Variants in ERO1A observed in about 807,000 individuals in gnomAD.
ERO1A encodes endoplasmic reticulum oxidoreductase 1 alpha, also known as ERO1-like protein alpha.
A neutral mutation model predicts 76.9 loss-of-function variants in ERO1A; 49 were observed. That is an observed-to-expected ratio of 0.64 (90% CI 0.51 to 0.81). The LOEUF (loss-of-function observed/expected upper bound fraction) is 0.81. Among genes scored for constraint, ERO1A ranks in the 30% least tolerant of loss-of-function variants. ERO1A has a pLI of 0.00. For synonymous variants in ERO1A, 174 were observed against 181.2 expected, an observed-to-expected ratio of 0.96 and a Z score of 0.32; for missense variants, 448 against 542.1, an observed-to-expected ratio of 0.83 and a Z score of 1.72.
chr14:52,668,746 T>C (rs2040498543), intron 6 of ERO1A, among the ~76,000 whole-genome samples: 2 of 148,492 alleles, frequency 1.3e-5, no homozygotes, highest in East Asian at 1.9e-4. Flanking sequence ...AATATTACTA[T>C]ATTATTATAT....
intron 12 of ERO1A, 47 bp downstream of exon 12, chr14:52,653,022 T>G: frequency 7.7e-7 from 1 of 1,305,932 alleles, no homozygotes; most frequent in Non-Finnish European, 1.1e-6. Context: ...TCTTGTACAT[T>G]AATTGTCACT....
rs1203903528 is a variant in ERO1A at position 52,641,640 on chromosome 14, G to A, written c.*1930C>T. The A allele has an allele frequency of 6.6e-6, 1 of 151,356 alleles. No homozygotes were observed. The highest frequency in any genetic ancestry group is 1.5e-5 in the Non-Finnish European group (1 of 67,892). The allele number at this position is 151,356 out of a possible 1,614,324, so 9.4% of individuals were successfully genotyped here. A position where few individuals can be genotyped will look rare whatever the true frequency, so the allele number is the denominator to read the frequency against. On this transcript the variant is annotated 3_prime_UTR_variant, in exon 16 of 16. Coordinates refer to ENST00000395686, the MANE Select transcript of ERO1A (RefSeq NM_014584.3). ...AAAAAATAAAAATAAAAAAAGGAAG[G>A]GAAGCATAAGATGAGAGAGAGGGAC...
chr14:52,681,376 C>A (rs183778274), intron 3 of ERO1A, among the ~76,000 whole-genome samples: 1 of 151,770 alleles, frequency 6.6e-6, no homozygotes, highest in South Asian at 2.1e-4. Context: ...GGCAGATCAC[C>A]TGAGGTTACC....
At chr14:52,683,678 G>C (rs1275118704) in intron 2 of ERO1A, 110 bp downstream of exon 2, 2 of 500,396 alleles carry the variant, frequency 4.0e-6, no homozygotes, top group East Asian at 3.3e-5. Context: ...TCTTAATAAA[G>C]CCTATATCAA....
intron 6 of ERO1A, among the ~76,000 whole-genome samples, chr14:52,670,777 C>A (rs1341849219): frequency 3.3e-5 from 5 of 152,172 alleles, no homozygotes; most frequent in Non-Finnish European, 7.3e-5. Flanking sequence ...ATATAAACCA[C>A]AAGCTACATA....
chr14:52,646,634 C>A, intron 13 of ERO1A, 173 bp from the exon 14 acceptor site: 2 of 502,736 alleles, frequency 4.0e-6, no homozygotes. Flanking sequence ...TACACAATCT[C>A]ATTTAATCTT....
At position 52,671,857 on chromosome 14, in the gene ERO1A, G is replaced by T; in HGVS notation, c.372C>A (p.Ala124=). The change falls in exon 5 of 16, where the codon GCC becomes GCA. Residue 124 remains alanine (A), a synonymous_variant. Coordinates refer to ENST00000395686, the MANE Select transcript of ERO1A (RefSeq NM_014584.3). The stretch of plus-strand genomic sequence containing the variant: ...GTTCACATTCTTCAATGAGATTATT[G>T]GCTTCTTCAGAATACTAAAATGAAA... The part of the protein sequence containing the change: ...KSASYKYSEE[A]NNLIEECEQA... 1 of 1,598,178 alleles carries T rather than the reference G, an allele frequency of 6.3e-7. No homozygotes were observed. The highest frequency in any genetic ancestry group is 8.5e-7 in the Non-Finnish European group (1 of 1,170,628).
chr14:52,687,988 C>T (rs1343933346), intron 1 of ERO1A, among the ~76,000 whole-genome samples: 1 of 152,046 alleles, frequency 6.6e-6, no homozygotes, highest in Non-Finnish European at 1.5e-5. Context: ...GAATTTGACA[C>T]CAACCTGGGC....
intron 11 of ERO1A, among the ~76,000 whole-genome samples, chr14:52,654,672 G>C (rs779612047): frequency 2.0e-5 from 3 of 152,292 alleles, no homozygotes; most frequent in Middle Eastern, 3.4e-3. Flanking sequence ...AAATAAGATT[G>C]ATTCTTCATG....
chr14:52,683,320 G>A (rs765843894), intron 2 of ERO1A, among the ~76,000 whole-genome samples: 1 of 152,072 alleles, frequency 6.6e-6, no homozygotes, highest in African/African-American at 2.4e-5. Context: ...AACAGGTAGA[G>A]GATAGACAAT....
rs1453679193 is a variant in ERO1A at position 52,641,194 on chromosome 14, G to C, written c.*2376C>G. 1 of 152,052 alleles carries C rather than the reference G, an allele frequency of 6.6e-6. No individual in the cohort carries two copies. The highest frequency in any genetic ancestry group is 6.6e-5 in the Admixed American group (1 of 15,252). 9.4% of individuals were successfully genotyped at this position (152,052 alleles called of 1,614,324 possible). On this transcript the variant is annotated 3_prime_UTR_variant, in exon 16 of 16. Transcript: ENST00000395686. ...CTGTGGATTTAGAATTAAGATTTTA[G>C]ACTTTACAGGAAGGGACTGTTAACC...
intron 6 of ERO1A, among the ~76,000 whole-genome samples, chr14:52,669,596 T>C (rs769763805): frequency 3.3e-5 from 5 of 152,184 alleles, no homozygotes; most frequent in Non-Finnish European, 5.9e-5. Flanking sequence ...ATGCAACATA[T>C]ATCGCATATT....
chr14:52,646,099 A>G, intron 15 of ERO1A, 55 bp downstream of exon 15: 2 of 1,548,418 alleles, frequency 1.3e-6, no homozygotes, highest in Non-Finnish European at 1.7e-6. Flanking sequence ...GAGAGCATAT[A>G]TGTTGCATTA....
intron 13 of ERO1A, among the ~76,000 whole-genome samples, chr14:52,647,719 G>A (rs1366263420): frequency 6.6e-6 from 1 of 152,110 alleles, no homozygotes; most frequent in Admixed American, 6.5e-5. Context: ...TTCCTTCAAT[G>A]GAAATTACCA....
chr14:52,647,495 T>C (rs1460771934), intron 13 of ERO1A, among the ~76,000 whole-genome samples: 1 of 152,124 alleles, frequency 6.6e-6, no homozygotes. Flanking sequence ...CCTCATGTTA[T>C]CTCTCGAGTC....
At chr14:52,693,419 T>C (rs532567315) in intron 1 of ERO1A, among the ~76,000 whole-genome samples, 1 of 152,364 alleles carries the variant, frequency 6.6e-6, no homozygotes, top group African/African-American at 2.4e-5. Context: ...GAACTCAGAC[T>C]GGCTCTCCTT....
chr14:52,646,499 A>G lies in ERO1A; in HGVS notation c.1126-38T>C, dbSNP rs772225040. 8.1e-6 allele frequency: 12 copies of G among 1,475,454 alleles called. No homozygotes were observed. In the East Asian group the frequency reaches 2.0e-4, roughly 25 times the overall value. 91.4% of individuals were successfully genotyped at this position (1,475,454 alleles called of 1,614,324 possible). A position where few individuals can be genotyped will look rare whatever the true frequency, so the allele number is the denominator to read the frequency against. On this transcript the variant is annotated intron_variant, in intron 13 of 15. Coordinates refer to ENST00000395686, the MANE Select transcript of ERO1A (RefSeq NM_014584.3). ...TAACAAGATTTTATTAAGATGTAAT[A>G]TACAGTCAATTAGTAAGTATTTTCT... is the stretch of plus-strand genomic sequence containing the variant.
intron 1 of ERO1A, among the ~76,000 whole-genome samples, chr14:52,694,007 A>G (rs1471308182): frequency 1.3e-5 from 2 of 152,240 alleles, no homozygotes; most frequent in African/African-American, 4.8e-5. Context: ...CAGAACTCCA[A>G]AAAGGTTATT....
chr14:52,693,469 A>G (rs932739585), intron 1 of ERO1A, among the ~76,000 whole-genome samples: 1 of 152,096 alleles, frequency 6.6e-6, no homozygotes, highest in African/African-American at 2.4e-5. Context: ...GGACCTTGTG[A>G]TCATGTGAAT....
Sources: allele counts gnomAD v4.1 joint callset (sites outside exome capture counted in the v4.1 genomes callset), GRCh38; gene constraint gnomAD v4.1.1; transcripts MANE v1.5; gene names NCBI Gene and HGNC (gene_info 2026-07-23, HGNC 2026-07-21).